Variants in ANO6 observed in about 807,000 individuals in gnomAD.
ANO6 encodes anoctamin-6.
A neutral mutation model predicts 117.5 loss-of-function variants in ANO6; 106 were observed. The observed-to-expected ratio is 0.90, with a 90% confidence interval of 0.77 to 1.06. ANO6 has a LOEUF of 1.06. Among genes scored for constraint, ANO6 ranks in the 50% least tolerant of loss-of-function variants. ANO6 has a pLI of 0.00. For synonymous variants in ANO6, 367 were observed against 385.1 expected (o/e 0.95, Z 0.55); for missense variants, 955 against 1,121.1 (o/e 0.85, Z 2.12).
chr12:45,222,919 T>G (rs1273875758), intron 1 of ANO6, among the ~76,000 whole-genome samples: 3 of 152,226 alleles, frequency 2.0e-5, no homozygotes, highest in Admixed American at 2.0e-4. Flanking sequence ...GTCCAATCAC[T>G]TTTCAACATG....
intron 2 of ANO6, among the ~76,000 whole-genome samples, chr12:45,302,964 T>G (rs187578048): frequency 7.2e-5 from 11 of 152,304 alleles, no homozygotes; most frequent in Admixed American, 2.0e-4. Context: ...CTCCAGTAAT[T>G]GGCAGAGCAC....
At position 45,432,091 on chromosome 12, in the gene ANO6, A is replaced by G. The variant is rs1326512771; in HGVS notation, c.*2780A>G. On this transcript the variant is annotated 3_prime_UTR_variant, in exon 20 of 20. Transcript: ENST00000320560. ...ACATTAATTCACAATGGGGGTCAGA[A>G]TGTACTCTTGTTGAAACACTTCTTG... The G allele has an allele frequency of 1.0e-6, 1 of 985,320 alleles. No homozygotes were observed. The highest frequency in any genetic ancestry group is 1.2e-6 in the Non-Finnish European group (1 of 829,940). The allele number at this position is 985,320 out of a possible 1,614,324, so 61.0% of individuals were successfully genotyped here. A position where few individuals can be genotyped will look rare whatever the true frequency, so the allele number is the denominator to read the frequency against.
intron 16 of ANO6, among the ~76,000 whole-genome samples, chr12:45,412,580 A>G (rs895230605): frequency 6.6e-6 from 1 of 151,936 alleles, no homozygotes; most frequent in South Asian, 2.1e-4. Context: ...TCATGCTCTC[A>G]TCTCTGCTTG....
In ANO6 at chr12:45,431,627, G is replaced by T. The variant is rs1051445417; in HGVS notation, c.*2316G>T. 2 of 985,274 alleles carry T rather than the reference G, an allele frequency of 2.0e-6. No individual in the cohort carries two copies. The highest frequency in any genetic ancestry group is 2.4e-6 in the Non-Finnish European group (2 of 829,954). 61.0% of individuals were successfully genotyped at this position (985,274 alleles called of 1,614,324 possible). On this transcript the variant is annotated 3_prime_UTR_variant, in exon 20 of 20. Coordinates refer to ENST00000320560, the MANE Select transcript of ANO6 (RefSeq NM_001025356.3). ...GAGCAAAGTTGTAGTGGAGATGCAG[G>T]GTCATTTCCCCATGCCATCCACAGT... is the stretch of plus-strand genomic sequence containing the variant.
intron 3 of ANO6, among the ~76,000 whole-genome samples, chr12:45,337,036 T>G (rs1940846112): frequency 6.6e-6 from 1 of 152,048 alleles, no homozygotes; most frequent in African/African-American, 2.4e-5. Flanking sequence ...AAGTTAAAAA[T>G]TAAAGATAGA....
At chr12:45,409,273 G>A in intron 15 of ANO6, 84 bp from the exon 16 acceptor site, 2 of 1,528,900 alleles carry the variant, frequency 1.3e-6, no homozygotes. Context: ...GATTACTTGT[G>A]CAGCTTTGAG....
At chr12:45,359,520 A>G (rs757577898) in intron 8 of ANO6, among the ~76,000 whole-genome samples, 6 of 152,208 alleles carry the variant, frequency 3.9e-5, no homozygotes, top group Non-Finnish European at 8.8e-5. Flanking sequence ...TGTTCTGGAC[A>G]TTTCATAAAA....
chr12:45,330,505 G>T (rs933052483), intron 2 of ANO6, among the ~76,000 whole-genome samples: 1 of 152,088 alleles, frequency 6.6e-6, no homozygotes, highest in Admixed American at 6.6e-5. Flanking sequence ...AGCTGTGTGA[G>T]AACACAAATT....
At chr12:45,222,180 C>A (rs918305624) in intron 1 of ANO6, among the ~76,000 whole-genome samples, 2 of 143,412 alleles carry the variant, frequency 1.4e-5, no homozygotes, top group Admixed American at 7.0e-5. Flanking sequence ...CACGCCCGGC[C>A]CCCCCACTCC....
intron 1 of ANO6, among the ~76,000 whole-genome samples, chr12:45,223,925 T>A (rs1947442817): frequency 6.6e-6 from 1 of 152,208 alleles, no homozygotes; most frequent in African/African-American, 2.4e-5. Context: ...ATAACTTGAT[T>A]AACATAATGC....
At chr12:45,363,031 T>C (rs1014151123) in intron 8 of ANO6, among the ~76,000 whole-genome samples, 1 of 152,162 alleles carries the variant, frequency 6.6e-6, no homozygotes, top group Non-Finnish European at 1.5e-5. Context: ...CTGTCATGTG[T>C]CTATTTAAGC....
At position 45,383,208 on chromosome 12, in the gene ANO6, A is replaced by G. The variant is rs117744005; in HGVS notation, c.1166-4953A>G. 11 of 204,696 alleles carry G rather than the reference A, an allele frequency of 5.4e-5. No individual in the cohort carries two copies. The East Asian group carries it at 9.6e-4, about 18-fold the overall frequency. 12.7% of individuals were successfully genotyped at this position (204,696 alleles called of 1,614,324 possible). A position where few individuals can be genotyped will look rare whatever the true frequency, so the allele number is the denominator to read the frequency against. ...CTTTCTTTGCAGATCCATAGAAAGC[A>G]ACTTCTCATTCCTTCAAGTTTGATC... On this transcript the variant is annotated intron_variant, in intron 10 of 19. Coordinates refer to ENST00000320560, the MANE Select transcript of ANO6 (RefSeq NM_001025356.3).
At chr12:45,404,994 T>C (rs1033554697) in intron 15 of ANO6, among the ~76,000 whole-genome samples, 7 of 152,144 alleles carry the variant, frequency 4.6e-5, no homozygotes, top group African/African-American at 1.7e-4. Flanking sequence ...GGTCTTATTC[T>C]CCATCTTCAA....
At chr12:45,301,361 A>G (rs1486947578) in intron 1 of ANO6, among the ~76,000 whole-genome samples, 3 of 152,054 alleles carry the variant, frequency 2.0e-5, no homozygotes, top group African/African-American at 7.2e-5. Flanking sequence ...GGAGGCTGAG[A>G]CAGGAGAATC....
intron 2 of ANO6, among the ~76,000 whole-genome samples, chr12:45,310,462 T>C (rs760427104): frequency 1.3e-5 from 2 of 152,034 alleles, no homozygotes; most frequent in African/African-American, 2.4e-5. Context: ...GAGAGATTGA[T>C]TGATTTTTGA....
At chr12:45,274,519 T>C (rs2137240300) in intron 1 of ANO6, among the ~76,000 whole-genome samples, 1 of 152,132 alleles carries the variant, frequency 6.6e-6, no homozygotes, top group South Asian at 2.1e-4. Flanking sequence ...CCCAGGCCAC[T>C]ACTAAGTTTT....
chr12:45,356,855 TAC>T lies in ANO6; in HGVS notation c.864-434_864-433del, dbSNP rs1315908607. 3.3e-5 allele frequency among the ~76,000 whole-genome samples: 5 copies of T among 152,316 alleles called. No individual in the cohort carries two copies. In the East Asian group the frequency reaches 9.6e-4, roughly 29 times the overall value. ...TTAAGGCTCAACTGTATTTGTGACT[TAC>T]GTTACATTTTCTCCAAGGAACTTCC... On this transcript the variant is annotated intron_variant, in intron 7 of 19. Coordinates refer to ENST00000320560, the MANE Select transcript of ANO6 (RefSeq NM_001025356.3).
At chr12:45,257,132 G>T (rs1036982957) in intron 1 of ANO6, among the ~76,000 whole-genome samples, 1 of 152,254 alleles carries the variant, frequency 6.6e-6, no homozygotes, top group African/African-American at 2.4e-5. Flanking sequence ...CTCTCTTGGC[G>T]TGCCTGCTTC....
In ANO6 at chr12:45,219,174, C is replaced by T. The variant is rs550434344; in HGVS notation, c.70+2783C>T. On this transcript the variant is annotated intron_variant, in intron 1 of 19. Transcript: ENST00000320560. ...TATAATGGCCTAATTTGCAAGAGAC[C>T]TCCCCCTCCCCCCAAAAAAAAACTT... 2.0e-5 allele frequency among the ~76,000 whole-genome samples: 3 copies of T among 152,102 alleles called. No homozygotes were observed. In the East Asian group the frequency reaches 5.8e-4, roughly 29 times the overall value.
Sources: allele counts gnomAD v4.1 joint callset (sites outside exome capture counted in the v4.1 genomes callset), GRCh38; gene constraint gnomAD v4.1.1; transcripts MANE v1.5; gene names NCBI Gene and HGNC (gene_info 2026-07-23, HGNC 2026-07-21).